SLC9B1: variants seen among roughly 807,000 people sequenced by gnomAD.
SLC9B1 encodes solute carrier family 9 member B1, also known as sodium/hydrogen exchanger 9B1.
In SLC9B1, 32 loss-of-function variants were observed where a neutral mutation model predicts 51.7. That is an observed-to-expected ratio of 0.62 (90% CI 0.47 to 0.83). The LOEUF (loss-of-function observed/expected upper bound fraction) is 0.83, where lower values mean the gene tolerates loss of function less well. Ranked by LOEUF, SLC9B1 falls within the 40% of genes least tolerant of loss-of-function variation. The pLI is 0.00. For missense variants in SLC9B1, 406 were observed against 613.2 expected (o/e 0.66, Z 3.57); for synonymous variants, 145 against 212.7 (o/e 0.68, Z 2.77).
intron 1 of SLC9B1, among the ~76,000 whole-genome samples, chr4:102,996,891 A>G (rs1169641732): frequency 6.6e-6 from 1 of 151,780 alleles, no homozygotes; most frequent in Non-Finnish European, 1.5e-5. Flanking sequence ...GGCTCAAGTG[A>G]TCCTCCCACC....
At chr4:102,939,158 G>C (rs1424537805) in intron 6 of SLC9B1, among the ~76,000 whole-genome samples, 1 of 150,420 alleles carries the variant, frequency 6.6e-6, no homozygotes, top group Non-Finnish European at 1.5e-5. Flanking sequence ...AAAAAAAAGA[G>C]AGAGAGAAGA....
At chr4:102,896,025 A>G (rs977775999), downstream of SLC9B1, among the ~76,000 whole-genome samples, 1 of 152,186 alleles carries the variant, frequency 6.6e-6, no homozygotes, top group African/African-American at 2.4e-5. Context: ...AGGCATTTAG[A>G]GCCTGCCTGA....
intron 11 of SLC9B1, among the ~76,000 whole-genome samples, chr4:102,903,823 A>G (rs1361088953): frequency 2.0e-5 from 3 of 152,196 alleles, no homozygotes; most frequent in Non-Finnish European, 2.9e-5. Context: ...TGGCTCCTGC[A>G]TGTCAGGCAC....
chr4:102,918,088 AG>A (rs1735674300), intron 7 of SLC9B1, among the ~76,000 whole-genome samples: 1 of 116,790 alleles, frequency 8.6e-6, no homozygotes, highest in Non-Finnish European at 1.7e-5. Flanking sequence ...AAAAAAAAAA[AG>A]GCTAGAGAAA....
At chr4:102,921,553 C>T (rs4339216) in intron 7 of SLC9B1, among the ~76,000 whole-genome samples, 87,440 of 152,036 alleles carry the variant, frequency 0.58, 26,411 homozygotes, top group African/African-American at 0.78. Context: ...CAAATTCACA[C>T]ATAACAATAT....
chr4:103,015,067 C>A (rs991542829), intron 1 of SLC9B1: 45 of 152,078 alleles, frequency 3.0e-4, no homozygotes, highest in African/African-American at 1.1e-3. Context: ...GTTATCCCAG[C>A]TCTGTAAGGC....
At chr4:103,003,410 T>G (rs1467256016) in intron 1 of SLC9B1, among the ~76,000 whole-genome samples, 2 of 152,200 alleles carry the variant, frequency 1.3e-5, no homozygotes, top group Non-Finnish European at 2.9e-5. Context: ...ACTTTTGCCC[T>G]CTTCCTTCTT....
At chr4:102,916,161 T>A (rs1012027883) in intron 7 of SLC9B1, among the ~76,000 whole-genome samples, 2 of 152,092 alleles carry the variant, frequency 1.3e-5, no homozygotes, top group Admixed American at 1.3e-4. Flanking sequence ...GCCAAATGGA[T>A]TTAAAAAAAT....
Position 102,894,173 on chromosome 4 carries a change from A to G in SLC9B1, c.1333-8845T>C, listed in dbSNP as rs1294681437. 2.0e-5 allele frequency among the ~76,000 whole-genome samples: 3 copies of G among 152,222 alleles called. No homozygotes were observed. The East Asian group carries it at 5.8e-4, about 29-fold the overall frequency. Reference sequence around the variant, plus strand: ...TTGTTAAGATTAAACATCCACTCCTAATGAAGATTCTTGAGTAAAATAGAA... The same window carrying G: ...TTGTTAAGATTAAACATCCACTCCTGATGAAGATTCTTGAGTAAAATAGAA... On this transcript the variant is annotated intron_variant, in intron 11 of 11. Coordinates refer to the SLC9B1 transcript ENST00000394789.
chr4:102,998,734 T>C (rs114405274), intron 1 of SLC9B1, among the ~76,000 whole-genome samples: 2,249 of 152,306 alleles, frequency 0.015, 36 homozygotes, highest in Non-Finnish European at 0.023. Flanking sequence ...CCAATAGGTG[T>C]GAATGGTATC....
At chr4:102,925,275 A>T (rs190757559) in intron 7 of SLC9B1, among the ~76,000 whole-genome samples, 3 of 152,244 alleles carry the variant, frequency 2.0e-5, no homozygotes, top group African/African-American at 7.2e-5. Context: ...GAAGCTAGAA[A>T]CCATCATTCT....
intron 1 of SLC9B1, among the ~76,000 whole-genome samples, chr4:103,008,919 T>C (rs1434131996): frequency 6.6e-6 from 1 of 150,640 alleles, no homozygotes; most frequent in Non-Finnish European, 1.5e-5. Context: ...CCTGCCTCAG[T>C]CTCCCGAGCA....
intron 3 of SLC9B1, among the ~76,000 whole-genome samples, chr4:102,969,194 A>G (rs1054131922): frequency 3.3e-5 from 5 of 152,190 alleles, no homozygotes; most frequent in African/African-American, 4.8e-5. Flanking sequence ...GTTCTCCACC[A>G]TGGAGTCTGA....
At chr4:102,959,776 T>C (rs1446905810) in intron 3 of SLC9B1, among the ~76,000 whole-genome samples, 1 of 152,066 alleles carries the variant, frequency 6.6e-6, no homozygotes, top group Non-Finnish European at 1.5e-5. Flanking sequence ...AATACAGAAA[T>C]GGAGAGTGGT....
At chr4:102,990,886 A>C (rs1739908616) in intron 2 of SLC9B1, among the ~76,000 whole-genome samples, 1 of 152,118 alleles carries the variant, frequency 6.6e-6, no homozygotes, top group Non-Finnish European at 1.5e-5. Context: ...AAGTTCTTCA[A>C]ATCTGATCAT....
intron 7 of SLC9B1, among the ~76,000 whole-genome samples, chr4:102,930,198 T>C (rs553472429): frequency 3.1e-4 from 47 of 152,268 alleles, no homozygotes; most frequent in Middle Eastern, 3.4e-3. Context: ...CCTATCAAAT[T>C]AGCAAAGATG....
intron 6 of SLC9B1, among the ~76,000 whole-genome samples, chr4:102,934,764 A>AC (rs34205926): frequency 6.5e-5 from 2 of 30,898 alleles, no homozygotes; most frequent in East Asian, 9.1e-4. Context: ...ACTCTGTCAC[A>AC]AAAAAAAAAA....
intron 11 of SLC9B1, 30 bp from the exon 12 acceptor site, chr4:102,901,362 A>G (rs561098344): frequency 6.2e-7 from 1 of 1,609,918 alleles, no homozygotes; most frequent in African/African-American, 1.3e-5. Flanking sequence ...TGGGGCATAA[A>G]GAAAAATATT....
chr4:102,960,736 C>CA (rs1738063908), intron 3 of SLC9B1, among the ~76,000 whole-genome samples: 1 of 142,588 alleles, frequency 7.0e-6, no homozygotes, highest in South Asian at 2.2e-4. Flanking sequence ...TTCTTTCTTT[C>CA]TTTTTTTTTT....
Sources: allele counts gnomAD v4.1 joint callset (sites outside exome capture counted in the v4.1 genomes callset), GRCh38; gene constraint gnomAD v4.1.1; transcripts MANE v1.5; gene names NCBI Gene and HGNC (gene_info 2026-07-23, HGNC 2026-07-21).